CCDC171: variants seen among roughly 807,000 people sequenced by gnomAD.
CCDC171 encodes coiled-coil domain-containing protein 171.
CCDC171 carries 177 observed loss-of-function variants against 168.2 expected under a neutral mutation model. That is an observed-to-expected ratio of 1.05 (90% confidence interval 0.93 to 1.19). The LOEUF is 1.19. Among genes scored for constraint, CCDC171 ranks in the 50% most tolerant of loss-of-function variants. CCDC171 has a pLI of 0.00. For synonymous variants in CCDC171, 687 were observed against 540.8 expected (o/e 1.27, Z -3.75); for missense variants, 1,991 against 1,539.0 (o/e 1.29, Z -4.91).
chr9:15,884,624 A>G (rs1181234248), intron 24 of CCDC171, among the ~76,000 whole-genome samples: 1 of 152,164 alleles, frequency 6.6e-6, no homozygotes, highest in African/African-American at 2.4e-5. Context: ...TTGTGTGGAG[A>G]GTCAGAATGC....
Position 15,591,534 on chromosome 9 carries a change from G to T in CCDC171, c.521G>T (p.Ser174Ile), listed in dbSNP as rs1234656145. ...TATGATTTACTTATGAAAGAAAAAA[G>T]CAGACTAGAGAAAACTCTACAGGTA... ...REYDLLMKEK[S>I]RLEKTLQEAL... Residue 174 changes from serine to isoleucine, a missense_variant, in exon 5 of 26, where the codon AGC (serine) becomes ATC (isoleucine). Ser to Ile is a moderately radical substitution (Grantham distance 142). Coordinates refer to ENST00000380701, the MANE Select transcript of CCDC171 (RefSeq NM_173550.4). 1.9e-6 allele frequency: 3 copies of T among 1,575,448 alleles called. No individual in the cohort carries two copies. The East Asian group carries it at 6.8e-5, about 36-fold the overall frequency.
At chr9:15,703,885 G>A (rs2051999756) in intron 11 of CCDC171, among the ~76,000 whole-genome samples, 1 of 152,132 alleles carries the variant, frequency 6.6e-6, no homozygotes. Context: ...GGCATGGTTT[G>A]TGGTGTCCCA....
intron 11 of CCDC171, among the ~76,000 whole-genome samples, chr9:15,699,600 C>A (rs1340239694): frequency 6.6e-6 from 1 of 151,692 alleles, no homozygotes; most frequent in South Asian, 2.1e-4. Flanking sequence ...TAGTTAGGTA[C>A]AGAGTGTCGA....
At chr9:15,912,078 C>T (rs1366806479) in intron 24 of CCDC171, among the ~76,000 whole-genome samples, 4 of 152,146 alleles carry the variant, frequency 2.6e-5, no homozygotes, top group African/African-American at 9.7e-5. Context: ...TTTTCTAACT[C>T]TGTGAAGGAA....
chr9:16,024,553 A>G (rs1402230203), intron 6 of CCDC171, among the ~76,000 whole-genome samples: 1 of 152,244 alleles, frequency 6.6e-6, no homozygotes, highest in Admixed American at 6.5e-5. Flanking sequence ...GCCAGAGCAG[A>G]TGAGGCAGAC....
At chr9:15,752,245 C>G (rs918478276) in intron 18 of CCDC171, among the ~76,000 whole-genome samples, 5 of 152,142 alleles carry the variant, frequency 3.3e-5, no homozygotes, top group African/African-American at 9.7e-5. Flanking sequence ...ATGAAAAAGT[C>G]AGGAAACAAC....
At chr9:15,892,136 G>C (rs1820296557) in intron 24 of CCDC171, among the ~76,000 whole-genome samples, 1 of 152,148 alleles carries the variant, frequency 6.6e-6, no homozygotes, top group Non-Finnish European at 1.5e-5. Context: ...ATAGGATCAT[G>C]TCTTCTGCAA....
At chr9:15,666,708 C>T (rs529376639) in intron 9 of CCDC171, among the ~76,000 whole-genome samples, 2 of 151,948 alleles carry the variant, frequency 1.3e-5, no homozygotes, top group African/African-American at 4.8e-5. Flanking sequence ...ACCTGTAGTC[C>T]CAGCTACTCG....
intron 7 of CCDC171, among the ~76,000 whole-genome samples, chr9:15,651,848 G>A (rs559228455): frequency 6.6e-6 from 1 of 151,036 alleles, no homozygotes; most frequent in South Asian, 2.1e-4. Context: ...TTGTTTGTTT[G>A]TTTATTTATG....
intron 16 of CCDC171, among the ~76,000 whole-genome samples, chr9:15,733,649 T>G (rs927019727): frequency 1.5e-5 from 2 of 136,388 alleles, no homozygotes; most frequent in Admixed American, 1.6e-4. Context: ...ATTCTTTTTT[T>G]CTTTCAATAC....
chr9:16,019,498 C>T (rs1171662206), intron 3 of CCDC171, among the ~76,000 whole-genome samples: 5 of 152,074 alleles, frequency 3.3e-5, no homozygotes, highest in Non-Finnish European at 5.9e-5. Flanking sequence ...CTTGTTTTCC[C>T]ATAGGCAAGG....
At chr9:15,810,513 G>C (rs952895153) in intron 21 of CCDC171, among the ~76,000 whole-genome samples, 4 of 152,066 alleles carry the variant, frequency 2.6e-5, no homozygotes, top group African/African-American at 9.7e-5. Context: ...GGTGGGGCTC[G>C]GGCATGGCGG....
intron 21 of CCDC171, among the ~76,000 whole-genome samples, chr9:15,801,203 A>G (rs1044348232): frequency 6.6e-6 from 1 of 152,056 alleles, no homozygotes; most frequent in Admixed American, 6.6e-5. Context: ...TCCTTTCGGT[A>G]GTATGGACAT....
At chr9:16,101,535 G>T in the CCDC171 span, among the ~76,000 whole-genome samples, 4 of 152,222 alleles carry the variant, frequency 2.6e-5, no homozygotes, top group African/African-American at 9.7e-5. Flanking sequence ...TTTTGCAAAT[G>T]CAATTAAGCT....
chr9:15,752,834 A>G (rs961576230), intron 18 of CCDC171, among the ~76,000 whole-genome samples: 2 of 152,126 alleles, frequency 1.3e-5, no homozygotes, highest in Admixed American at 6.5e-5. Flanking sequence ...GCTCATATAT[A>G]CCTATATAAC....
chr9:15,859,555 A>G (rs933507757), intron 23 of CCDC171, among the ~76,000 whole-genome samples: 1 of 151,606 alleles, frequency 6.6e-6, no homozygotes, highest in South Asian at 2.1e-4. Context: ...TACTGAGTCA[A>G]TCTCCTTACT....
At chr9:15,909,399 C>T (rs1887663) in intron 24 of CCDC171, among the ~76,000 whole-genome samples, 40,107 of 104,944 alleles carry the variant, frequency 0.38, 5,367 homozygotes, top group South Asian at 0.48. Context: ...TGTACATGTG[C>T]GTACACACAC....
intron 21 of CCDC171, among the ~76,000 whole-genome samples, chr9:15,817,808 G>C (rs572593545): frequency 8.4e-6 from 1 of 118,424 alleles, no homozygotes; most frequent in Non-Finnish European, 1.9e-5. Context: ...AACCTCTGCA[G>C]ACTTAAATGT....
intron 8 of CCDC171, among the ~76,000 whole-genome samples, chr9:15,662,663 C>G (rs542288537): frequency 6.6e-6 from 1 of 152,042 alleles, no homozygotes; most frequent in Non-Finnish European, 1.5e-5. Flanking sequence ...ATATTAAGTA[C>G]TTAATAAATA....
Sources: allele counts gnomAD v4.1 joint callset (sites outside exome capture counted in the v4.1 genomes callset), GRCh38; gene constraint gnomAD v4.1.1; transcripts MANE v1.5; gene names NCBI Gene and HGNC (gene_info 2026-07-23, HGNC 2026-07-21).